CDKL5: variants seen among roughly 807,000 people sequenced by gnomAD.
CDKL5 encodes the protein cyclin dependent kinase like 5, also known as cyclin-dependent kinase-like 5.
In CDKL5, 8 loss-of-function variants were observed where a neutral mutation model predicts 61.7. The observed-to-expected ratio is 0.13, with a 90% CI of 0.08 to 0.23. The LOEUF (loss-of-function observed/expected upper bound fraction) is 0.23. Among genes scored for constraint, CDKL5 ranks in the 10% least tolerant of loss-of-function variants. The pLI, the probability that CDKL5 is intolerant of heterozygous loss-of-function variation, is 1.00. For synonymous variants in CDKL5, 275 were observed against 272.3 expected, an observed-to-expected ratio of 1.01 and a Z score of -0.10; for missense variants, 440 against 734.5, an observed-to-expected ratio of 0.60 and a Z score of 4.63.
At chrX:18,579,421 C>T (rs934951789) in intron 5 of CDKL5, among the ~76,000 whole-genome samples, 64 of 110,250 alleles carry the variant, frequency 5.8e-4, no homozygotes, top group African/African-American at 1.9e-3. Flanking sequence ...AAGAATATTT[C>T]GTGGATCTTC....
intron 7 of CDKL5, among the ~76,000 whole-genome samples, chrX:18,582,183 A>G (rs2147144245): frequency 9.0e-6 from 1 of 111,601 alleles, no homozygotes; most frequent in Admixed American, 9.5e-5. Flanking sequence ...GAACTAATTC[A>G]AAGCAAATAC....
Position 18,619,977 on chromosome X carries a change from G to A in CDKL5, c.2376+11G>A, listed in dbSNP as rs1188189985. 9.9e-7 allele frequency: 1 copy of A among 1,011,819 alleles called. No homozygotes were observed. Among genetic ancestry groups the A allele is most frequent in the East Asian group, 3.0e-5 (1 of 32,890 alleles). 83.4% of individuals were successfully genotyped at this position (1,011,819 alleles called of 1,213,427 possible). A position where few individuals can be genotyped will look rare whatever the true frequency, so the allele number is the denominator to read the frequency against. ...AAGAAATCTCAAACAGTAAGTAGAT[G>A]ACCAGTTTCTATATATAATAACATG... is the stretch of plus-strand genomic sequence containing the variant. On this transcript the variant is annotated intron_variant, in intron 16 of 17. Transcript: ENST00000623535.
At position 18,554,067 on chromosome X, in the gene CDKL5, T is replaced by A. The variant is rs963205030; in HGVS notation, c.100-10410T>A. Reference sequence around the variant, plus strand: ...TGCCAGGTATTTATATATATATATTTTTTTTTTTCTATTATACTTTTAAGT... The same window carrying A: ...TGCCAGGTATTTATATATATATATTATTTTTTTTCTATTATACTTTTAAGT... On this transcript the variant is annotated intron_variant, in intron 3 of 17. Transcript: ENST00000623535. 3.1e-3 allele frequency among the ~76,000 whole-genome samples: 340 copies of A among 108,679 alleles called. 1 individual carries two copies. The highest frequency in any genetic ancestry group is 4.9e-3 in the Middle Eastern group (1 of 205). 94.4% of individuals were successfully genotyped at this position (108,679 alleles called of 115,157 possible). A position where few individuals can be genotyped will look rare whatever the true frequency, so the allele number is the denominator to read the frequency against.
At chrX:18,605,654 A>T (rs1342714507) in intron 12 of CDKL5, among the ~76,000 whole-genome samples, 1 of 112,690 alleles carries the variant, frequency 8.9e-6, no homozygotes, top group East Asian at 2.8e-4. Flanking sequence ...AGCATGTTTT[A>T]AAAATAATGT....
At chrX:18,564,912 C>A (rs1327072844) in intron 4 of CDKL5, among the ~76,000 whole-genome samples, 2 of 111,805 alleles carry the variant, frequency 1.8e-5, no homozygotes, top group African/African-American at 6.5e-5. Context: ...GCAAGTACTA[C>A]ATGAAAGATT....
chrX:18,425,855 G>T (rs907127019), intron 1 of CDKL5, among the ~76,000 whole-genome samples, 160 bp downstream of exon 1: 4 of 113,025 alleles, frequency 3.5e-5, no homozygotes, highest in African/African-American at 1.3e-4. Flanking sequence ...GCGACGCGGT[G>T]AGGACGTCCC....
At chrX:18,528,236 C>CT (rs1569202719) in intron 3 of CDKL5, among the ~76,000 whole-genome samples, 9 of 93,348 alleles carry the variant, frequency 9.6e-5, no homozygotes, top group African/African-American at 3.6e-4. Context: ...TACCCATACT[C>CT]ATTTTTTTTT....
chrX:18,498,489 C>CT lies in CDKL5; in HGVS notation c.-162-8442dup, dbSNP rs1371314706. Among the ~76,000 whole-genome samples the CT allele has an allele frequency of 2.7e-5, 3 of 111,554 alleles. No homozygotes were observed. In the East Asian group the frequency reaches 8.5e-4, roughly 31 times the overall value. The stretch of plus-strand genomic sequence containing the variant: ...TTTTCATTGGGCTCATTTTGTGTTT[C>CT]TTTTGTTTAGCCTCTTGAGTTTGAT... On this transcript the variant is annotated intron_variant, in intron 1 of 17. Coordinates refer to ENST00000623535, the MANE Select transcript of CDKL5 (RefSeq NM_001323289.2).
chrX:18,608,671 A>G (rs1449326778), intron 12 of CDKL5, 140 bp from the exon 13 acceptor site: 2 of 486,837 alleles, frequency 4.1e-6, no homozygotes, highest in Middle Eastern at 3.6e-4. Flanking sequence ...ATTCACTTTT[A>G]TGGGACTATT....
chrX:18,572,136 T>G (rs1483642917), intron 4 of CDKL5, among the ~76,000 whole-genome samples: 2 of 111,842 alleles, frequency 1.8e-5, no homozygotes, highest in Non-Finnish European at 3.8e-5. Context: ...ATAGGATTTT[T>G]GGGAGATGGA....
At position 18,454,491 on chromosome X, in the gene CDKL5, T is replaced by C. The variant is rs946058573; in HGVS notation, c.-163+28796T>C. On this transcript the variant is annotated intron_variant, in intron 1 of 17. Coordinates refer to ENST00000623535, the MANE Select transcript of CDKL5 (RefSeq NM_001323289.2). The stretch of plus-strand genomic sequence containing the variant: ...ACCTCATGATCTGCCTGCCTCGGCC[T>C]CCCAAAGTGCTGGGATTACAGGTGT... Among the ~76,000 whole-genome samples, 3 of 109,604 alleles carry C rather than the reference T, an allele frequency of 2.7e-5. No homozygotes were observed. The Admixed American group carries it at 3.0e-4, about 11-fold the overall frequency.
chrX:18,651,348 C>T, intron 21 of CDKL5, among the ~76,000 whole-genome samples: 1 of 109,065 alleles, frequency 9.2e-6, no homozygotes, highest in Non-Finnish European at 1.9e-5. Context: ...GACAGCATCC[C>T]TTAAGCTTAT....
rs994235608 is a variant in CDKL5 at position 18,571,062 on chromosome X, A to G, written c.146-4292A>G. 2.7e-5 allele frequency among the ~76,000 whole-genome samples: 3 copies of G among 111,488 alleles called. No homozygotes were observed. The Admixed American group carries it at 2.9e-4, about 11-fold the overall frequency. ...ACATAAGCAGTTATCACATAGAAGT[A>G]TGGACTCGGGAAGAGTCCTTCTGAA... is the stretch of plus-strand genomic sequence containing the variant. On this transcript the variant is annotated intron_variant, in intron 4 of 17. Coordinates refer to ENST00000623535, the MANE Select transcript of CDKL5 (RefSeq NM_001323289.2).
chrX:18,444,432 A>G (rs1274929519), intron 1 of CDKL5, among the ~76,000 whole-genome samples: 1 of 111,571 alleles, frequency 9.0e-6, no homozygotes, highest in Non-Finnish European at 1.9e-5. Context: ...AGTCAAATAT[A>G]TAAATATTGA....
chrX:18,510,434 C>T (rs888746759), intron 2 of CDKL5, among the ~76,000 whole-genome samples: 8 of 112,453 alleles, frequency 7.1e-5, no homozygotes, highest in East Asian at 2.8e-4. Flanking sequence ...GGATTATAGG[C>T]GTGAGCCACT....
intron 12 of CDKL5, among the ~76,000 whole-genome samples, chrX:18,606,282 A>C (rs1281208041): frequency 8.9e-6 from 1 of 111,964 alleles, no homozygotes; most frequent in Non-Finnish European, 1.9e-5. Flanking sequence ...GAATAGAGAG[A>C]GGTCATTGTG....
chrX:18,562,044 CA>C (rs1389908307), intron 3 of CDKL5, among the ~76,000 whole-genome samples: 3 of 111,807 alleles, frequency 2.7e-5, no homozygotes, highest in African/African-American at 9.7e-5. Context: ...AATTTGTCAA[CA>C]AGTTCTCATC....
At chrX:18,606,441 TGAAAA>T (rs1423803781) in intron 12 of CDKL5, among the ~76,000 whole-genome samples, 4 of 112,054 alleles carry the variant, frequency 3.6e-5, no homozygotes, top group Admixed American at 9.4e-5. Flanking sequence ...GCTAGAAAGA[TGAAAA>T]GAATAGGTTC....
At chrX:18,510,657 A>G (rs1720563124) in intron 2 of CDKL5, among the ~76,000 whole-genome samples, 163 bp from the exon 3 acceptor site, 1 of 112,392 alleles carries the variant, frequency 8.9e-6, no homozygotes, top group African/African-American at 3.2e-5. Context: ...TAATAAATGT[A>G]TAATAAAGTA....
Sources: allele counts gnomAD v4.1 joint callset (sites outside exome capture counted in the v4.1 genomes callset), GRCh38; gene constraint gnomAD v4.1.1; transcripts MANE v1.5; gene names NCBI Gene and HGNC (gene_info 2026-07-23, HGNC 2026-07-21).